Variants in CCDC7 observed in about 807,000 individuals in gnomAD.
CCDC7 encodes coiled-coil domain-containing protein 7.
A neutral mutation model predicts 196.9 loss-of-function variants in CCDC7; 183 were observed. The observed-to-expected ratio is 0.93, with a 90% CI of 0.82 to 1.05. The LOEUF (loss-of-function observed/expected upper bound fraction) is 1.05. Among genes scored for constraint, CCDC7 ranks in the 50% least tolerant of loss-of-function variants. The probability of loss-of-function intolerance (pLI) is 0.00; values close to 1 mark genes in which losing one functional copy is unlikely to be tolerated. For synonymous variants in CCDC7, 525 were observed against 484.6 expected (o/e 1.08, Z -1.10); for missense variants, 1,540 against 1,482.2 (o/e 1.04, Z -0.64).
Position 32,543,351 on chromosome 10 carries a change from A to T in CCDC7, c.1045A>T (p.Lys349Ter). ...AAAGAAAGCTGTGAAAACAGTGAAG[A>T]AAAAAGACAAAGGAAAATCTGAGGA... Residue 349 changes from lysine to a stop codon, truncating the protein, a stop_gained, in exon 12 of 42, where the codon AAA becomes TAA. Coordinates refer to ENST00000639629, the Ensembl canonical transcript of CCDC7. LOFTEE classifies it high-confidence loss of function. 1 of 1,451,962 alleles carries T rather than the reference A, an allele frequency of 6.9e-7. No individual in the cohort carries two copies. Among genetic ancestry groups the T allele is most frequent in the Middle Eastern group, 1.8e-4 (1 of 5,650 alleles). 89.9% of individuals were successfully genotyped at this position (1,451,962 alleles called of 1,614,324 possible). A position where few individuals can be genotyped will look rare whatever the true frequency, so the allele number is the denominator to read the frequency against.
intron 20 of CCDC7, among the ~76,000 whole-genome samples, chr10:32,643,714 A>G (rs1322812274): frequency 2.6e-5 from 4 of 151,898 alleles, no homozygotes; most frequent in Non-Finnish European, 5.9e-5. Context: ...TTGACTTTCA[A>G]CTTTTTAAGT....
In CCDC7 at chr10:32,454,398, C is replaced by T. The variant is rs530902269; in HGVS notation, c.372+962C>T. Reference sequence around the variant, plus strand: ...AAAACTAAAATCTGAAATTGAAGTCCAATAGAAACTGGGATGACTAGAGGT... The same window carrying T: ...AAAACTAAAATCTGAAATTGAAGTCTAATAGAAACTGGGATGACTAGAGGT... On this transcript the variant is annotated intron_variant, in intron 2 of 41. Transcript: ENST00000639629. 1.1e-4 allele frequency among the ~76,000 whole-genome samples: 16 copies of T among 152,026 alleles called. 1 individual carries two copies. In the South Asian group the frequency reaches 3.3e-3, roughly 32 times the overall value.
At chr10:32,492,799 T>C (rs1458502098) in intron 9 of CCDC7, among the ~76,000 whole-genome samples, 2 of 152,126 alleles carry the variant, frequency 1.3e-5, no homozygotes, top group Non-Finnish European at 2.9e-5. Context: ...ACTGCTGAAC[T>C]ATACACTTAA....
At chr10:32,804,754 C>T (rs905464333) in intron 29 of CCDC7, among the ~76,000 whole-genome samples, 1 of 152,092 alleles carries the variant, frequency 6.6e-6, no homozygotes, top group Non-Finnish European at 1.5e-5. Flanking sequence ...TGTGCAACAA[C>T]TTTGTTATCA....
chr10:32,788,178 A>G (rs548672364), intron 29 of CCDC7, among the ~76,000 whole-genome samples: 2 of 152,204 alleles, frequency 1.3e-5, no homozygotes, highest in Admixed American at 6.5e-5. Context: ...TCCCAGAGCC[A>G]GGTCAGCCCC....
At chr10:32,604,942 T>C (rs1422221016) in intron 18 of CCDC7, among the ~76,000 whole-genome samples, 5 of 152,166 alleles carry the variant, frequency 3.3e-5, no homozygotes, top group Non-Finnish European at 7.4e-5. Flanking sequence ...TCTGTTTATG[T>C]GATATGGTTT....
chr10:32,547,492 A>G (rs1296969471), intron 13 of CCDC7, among the ~76,000 whole-genome samples: 1 of 152,136 alleles, frequency 6.6e-6, no homozygotes, highest in Admixed American at 6.6e-5. Context: ...CACAGATCCC[A>G]CCCACACTCA....
rs992775084 is a variant in CCDC7 at position 32,509,450 on chromosome 10, C to T, written c.873-8495C>T. Reference sequence around the variant, plus strand: ...TATGAGCTGAAACCGTAAAACTCCTCGATGAAAACATAGGAAATAAGCTCC... The same window carrying T: ...TATGAGCTGAAACCGTAAAACTCCTTGATGAAAACATAGGAAATAAGCTCC... On this transcript the variant is annotated intron_variant, in intron 9 of 41. Transcript: ENST00000639629. 4.0e-5 allele frequency among the ~76,000 whole-genome samples: 6 copies of T among 149,656 alleles called. No homozygotes were observed. In the South Asian group the frequency reaches 8.4e-4, roughly 21 times the overall value.
intron 18 of CCDC7, among the ~76,000 whole-genome samples, chr10:32,613,583 G>A (rs1813257245): frequency 6.6e-6 from 1 of 152,084 alleles, no homozygotes; most frequent in Admixed American, 6.6e-5. Flanking sequence ...CACTGCTTTA[G>A]CTGTGTCCCA....
At chr10:32,696,483 T>G (rs2077746906) in intron 24 of CCDC7, among the ~76,000 whole-genome samples, 1 of 110,036 alleles carries the variant, frequency 9.1e-6, no homozygotes, top group African/African-American at 4.4e-5. Context: ...TGTTTTCTGT[T>G]TTTTTTTTTT....
intron 18 of CCDC7, 150 bp from the exon 20 acceptor site, chr10:32,634,104 C>T: frequency 2.7e-6 from 1 of 375,620 alleles, no homozygotes; most frequent in Non-Finnish European, 4.7e-6. Context: ...TCACAATTTT[C>T]ATGTGAGATC....
At chr10:32,703,170 G>T (rs1399688242) in intron 24 of CCDC7, among the ~76,000 whole-genome samples, 2 of 152,042 alleles carry the variant, frequency 1.3e-5, no homozygotes, top group East Asian at 3.9e-4. Context: ...TCCTTTTCAT[G>T]TTTAGTGCTT....
intron 18 of CCDC7, among the ~76,000 whole-genome samples, chr10:32,631,672 C>CA (rs35507467): frequency 1.7e-4 from 25 of 142,942 alleles, no homozygotes; most frequent in African/African-American, 5.7e-4. Context: ...TCAATTTCTA[C>CA]AAAAAAAAAA....
At chr10:32,691,783 A>G (rs2077115605) in intron 23 of CCDC7, among the ~76,000 whole-genome samples, 2 of 152,132 alleles carry the variant, frequency 1.3e-5, no homozygotes, top group South Asian at 4.1e-4. Flanking sequence ...GGAGTGCCTC[A>G]AGGGGCCATT....
chr10:32,743,558 G>C (rs566978451), intron 28 of CCDC7, among the ~76,000 whole-genome samples: 1 of 152,112 alleles, frequency 6.6e-6, no homozygotes, highest in Non-Finnish European at 1.5e-5. Flanking sequence ...TAAGTCTTTA[G>C]TCCATTGTGG....
intron 32 of CCDC7, 123 bp from the exon 34 acceptor site, chr10:32,834,692 T>C: frequency 2.1e-6 from 1 of 481,330 alleles, no homozygotes; most frequent in East Asian, 4.1e-5. Context: ...TCTTCTTTAA[T>C]GACTGATGCT....
chr10:32,462,847 G>T, intron 4 of CCDC7, 144 bp downstream of exon 5: 1 of 1,269,084 alleles, frequency 7.9e-7, no homozygotes, highest in Non-Finnish European at 1.1e-6. Context: ...ATGTTCATTT[G>T]TATAGTGCAT....
At chr10:32,765,597 A>G (rs2078158744) in intron 28 of CCDC7, among the ~76,000 whole-genome samples, 1 of 152,062 alleles carries the variant, frequency 6.6e-6, no homozygotes, top group Non-Finnish European at 1.5e-5. Flanking sequence ...ATTTTAAACC[A>G]AAAGCAATAT....
At chr10:32,706,289 A>G (rs747307264) in intron 24 of CCDC7, among the ~76,000 whole-genome samples, 6 of 152,140 alleles carry the variant, frequency 3.9e-5, no homozygotes, top group Non-Finnish European at 8.8e-5. Flanking sequence ...AAGACACAAC[A>G]TACTGGAATC....
Sources: allele counts gnomAD v4.1 joint callset (sites outside exome capture counted in the v4.1 genomes callset), GRCh38; gene constraint gnomAD v4.1.1; transcripts MANE v1.5; gene names NCBI Gene and HGNC (gene_info 2026-07-23, HGNC 2026-07-21).